TENM3: variants seen among roughly 807,000 people sequenced by gnomAD.
TENM3 encodes the protein teneurin-3.
A neutral mutation model predicts 255.1 loss-of-function variants in TENM3; 63 were observed. That is an observed-to-expected ratio of 0.25 (90% confidence interval 0.20 to 0.30). The LOEUF (loss-of-function observed/expected upper bound fraction) is 0.30. Among genes scored for constraint, TENM3 ranks in the 10% least tolerant of loss-of-function variants. The pLI is 1.00. For synonymous variants in TENM3, 1,306 were observed against 1,322.3 expected (o/e 0.99, Z 0.27); for missense variants, 2,929 against 3,461.1 (o/e 0.85, Z 3.86).
chr4:182,766,848 C>T (rs1229152690), intron 22 of TENM3, among the ~76,000 whole-genome samples: 1 of 152,168 alleles, frequency 6.6e-6, no homozygotes, highest in Non-Finnish European at 1.5e-5. Context: ...TAATTAAATG[C>T]AGCAGCAACA....
At chr4:182,649,320 A>T (rs1195497721) in intron 5 of TENM3, among the ~76,000 whole-genome samples, 1 of 150,682 alleles carries the variant, frequency 6.6e-6, no homozygotes, top group Non-Finnish European at 1.5e-5. Context: ...AAAAAAGAAG[A>T]TAATGGACTT....
At chr4:181,960,357 C>G in the TENM3 span, among the ~76,000 whole-genome samples, 1 of 152,142 alleles carries the variant, frequency 6.6e-6, no homozygotes, top group East Asian at 1.9e-4. Flanking sequence ...TTTAGTGACT[C>G]ATAATCAGTA....
chr4:181,757,523 C>T, the TENM3 span, among the ~76,000 whole-genome samples: 16 of 152,294 alleles, frequency 1.1e-4, 1 homozygote, highest in African/African-American at 3.8e-4. Flanking sequence ...ACCAGGAATT[C>T]TTTTCAGATC....
chr4:181,542,559 G>T, the TENM3 span, among the ~76,000 whole-genome samples: 2 of 152,250 alleles, frequency 1.3e-5, no homozygotes, highest in South Asian at 4.2e-4. Context: ...ATAGAAGTGG[G>T]GATGGAGAGA....
chr4:182,680,231 C>CT lies in TENM3; in HGVS notation c.1538-14dup. ...GCAGGCTATACAACAAGTGTTCCTT[C>CT]TTTCCTTTTTCTTCAGAGTCTGTGG... On this transcript the variant is annotated splice_polypyrimidine_tract_variant and intron_variant, in intron 8 of 27. Transcript: ENST00000511685. 2 of 1,579,220 alleles carry CT rather than the reference C, an allele frequency of 1.3e-6. No homozygotes were observed. The highest frequency in any genetic ancestry group is 1.7e-6 in the Non-Finnish European group (2 of 1,148,718).
chr4:181,481,481 T>TG, the TENM3 span, among the ~76,000 whole-genome samples: 1 of 152,206 alleles, frequency 6.6e-6, no homozygotes, highest in African/African-American at 2.4e-5. Context: ...CTACATAGAC[T>TG]GACAGATGGA....
intron 15 of TENM3, 78 bp from the exon 16 acceptor site, chr4:182,730,800 A>C: frequency 6.8e-7 from 1 of 1,462,362 alleles, no homozygotes; most frequent in Admixed American, 2.1e-5. Context: ...TTTATAAAGC[A>C]TATTAACTTA....
the TENM3 span, among the ~76,000 whole-genome samples, chr4:181,553,503 G>T: frequency 2.0e-5 from 3 of 151,934 alleles, no homozygotes; most frequent in African/African-American, 7.2e-5. Flanking sequence ...GTGCAGGGGC[G>T]CGATCTCGGC....
the TENM3 span, among the ~76,000 whole-genome samples, chr4:181,543,868 C>A: frequency 6.6e-6 from 1 of 152,090 alleles, no homozygotes; most frequent in East Asian, 1.9e-4. Flanking sequence ...CAACATGGTA[C>A]TTTAAAATAC....
the TENM3 span, among the ~76,000 whole-genome samples, chr4:182,134,140 C>T: frequency 6.6e-5 from 10 of 152,248 alleles, no homozygotes; most frequent in African/African-American, 2.4e-4. Context: ...AATAAGGAAC[C>T]TCTTTATTAT....
chr4:181,690,550 A>C, the TENM3 span, among the ~76,000 whole-genome samples: 2 of 152,166 alleles, frequency 1.3e-5, no homozygotes, highest in East Asian at 3.9e-4. Context: ...ATGTATAAAA[A>C]ATCATACTGA....
At chr4:181,665,625 A>G in the TENM3 span, among the ~76,000 whole-genome samples, 3 of 144,384 alleles carry the variant, frequency 2.1e-5, no homozygotes, top group East Asian at 6.2e-4. Flanking sequence ...ATGTGTATAT[A>G]TACACACACA....
chr4:182,505,994 T>TA (rs1736778638), intron 3 of TENM3, among the ~76,000 whole-genome samples: 1 of 152,152 alleles, frequency 6.6e-6, no homozygotes, highest in African/African-American at 2.4e-5. Context: ...GCATCACATA[T>TA]AAAATCCCAG....
At chr4:182,267,046 A>T (rs1759289823) in intron 1 of TENM3, among the ~76,000 whole-genome samples, 1 of 152,182 alleles carries the variant, frequency 6.6e-6, no homozygotes, top group Non-Finnish European at 1.5e-5. Context: ...TAAAGGAAAA[A>T]ACTTTCAAAA....
intron 3 of TENM3, among the ~76,000 whole-genome samples, chr4:182,355,749 T>C (rs1325498023): frequency 6.6e-6 from 1 of 152,110 alleles, no homozygotes; most frequent in East Asian, 1.9e-4. Context: ...AAAGAGACTG[T>C]CTTCCCCAAC....
chr4:181,995,578 T>C, the TENM3 span, among the ~76,000 whole-genome samples: 1 of 152,210 alleles, frequency 6.6e-6, no homozygotes, highest in Non-Finnish European at 1.5e-5. Context: ...GAAGAAATTA[T>C]GTTAAATGGT....
chr4:181,913,624 G>A, the TENM3 span, among the ~76,000 whole-genome samples: 1 of 152,120 alleles, frequency 6.6e-6, no homozygotes, highest in Non-Finnish European at 1.5e-5. Flanking sequence ...TTACAGAACA[G>A]GTGACCAGGG....
chr4:182,172,886 A>G (rs1752201967), intron 1 of TENM3, among the ~76,000 whole-genome samples: 1 of 152,186 alleles, frequency 6.6e-6, no homozygotes, highest in Admixed American at 6.5e-5. Context: ...CCTTACTGCA[A>G]TATTAGGAAA....
At chr4:182,270,647 A>G (rs953543969) in intron 1 of TENM3, among the ~76,000 whole-genome samples, 35 of 152,168 alleles carry the variant, frequency 2.3e-4, no homozygotes, top group Admixed American at 2.3e-3. Context: ...GGTTTACAAA[A>G]TAAAGAAAGA....
Sources: gnomAD v4.1 joint callset for allele counts (sites outside exome capture counted in the v4.1 genomes callset) on GRCh38, gnomAD v4.1.1 for gene constraint, MANE v1.5 for transcripts, NCBI Gene and HGNC (gene_info 2026-07-23, HGNC 2026-07-21) for gene names.